ACER1: variants seen among roughly 807,000 people sequenced by gnomAD.
ACER1 encodes the protein alkaline ceramidase 1.
In ACER1, 28 loss-of-function variants were observed where a neutral mutation model predicts 24.9. The ratio of observed to expected loss-of-function variants is 1.13; its 90% CI spans 0.83 to 1.54. The LOEUF is 1.54. ACER1 is among the 40% of genes most tolerant of loss of function. ACER1 has a pLI of 0.00. For synonymous variants in ACER1, 132 were observed against 131.4 expected (o/e 1.00, Z -0.03); for missense variants, 352 against 349.3 (o/e 1.01, Z -0.06).
intron 1 of ACER1, among the ~76,000 whole-genome samples, chr19:6,326,162 G>A (rs917312449): frequency 7.6e-6 from 1 of 132,282 alleles, no homozygotes; most frequent in African/African-American, 2.9e-5. Context: ...GTCTCGCTCT[G>A]TAGCCCAGGC....
intron 1 of ACER1, among the ~76,000 whole-genome samples, chr19:6,323,752 G>GT (rs1157167332): frequency 1.3e-5 from 2 of 152,154 alleles, no homozygotes; most frequent in African/African-American, 4.8e-5. Context: ...GTAATTAATT[G>GT]TTTTTGCTGT....
intron 1 of ACER1, among the ~76,000 whole-genome samples, chr19:6,330,117 C>T (rs1031045470): frequency 6.0e-5 from 9 of 150,810 alleles, no homozygotes; most frequent in Admixed American, 4.6e-4. Flanking sequence ...GTGATCTGCC[C>T]GCCTCGGCCT....
the ACER1 span, among the ~76,000 whole-genome samples, chr19:6,338,673 A>T: frequency 6.6e-6 from 1 of 151,844 alleles, no homozygotes; most frequent in African/African-American, 2.4e-5. Flanking sequence ...CTGCAGCCTC[A>T]ACCTCCTGGG....
intron 1 of ACER1, among the ~76,000 whole-genome samples, chr19:6,314,588 C>T (rs1370429987): frequency 2.0e-5 from 3 of 151,988 alleles, no homozygotes; most frequent in Admixed American, 6.6e-5. Flanking sequence ...ATGTCTGAGC[C>T]GCGACAAGTC....
chr19:6,312,266 A>T lies in ACER1; in HGVS notation c.233T>A (p.Met78Lys). 4 of 1,614,140 alleles carry T rather than the reference A, an allele frequency of 2.5e-6. No homozygotes were observed. ...CAGCTGGCCCAGGAAGCTGAGCGTC[A>T]TGTGGAAATACATGGAGAACAGGCC... is the stretch of plus-strand genomic sequence containing the variant. ...IIGLFSMYFH[M>K]TLSFLGQLLD... The change falls in exon 3 of 6, where the codon ATG becomes AAG. Residue 78 changes from methionine (M) to lysine (K), a missense_variant. Coordinates refer to ENST00000301452, the MANE Select transcript of ACER1 (RefSeq NM_133492.3).
the ACER1 span, among the ~76,000 whole-genome samples, chr19:6,352,682 A>G: frequency 6.6e-6 from 1 of 152,332 alleles, no homozygotes; most frequent in South Asian, 2.1e-4. Flanking sequence ...ATCATTTCCT[A>G]AAAACAAATA....
chr19:6,355,022 G>A, the ACER1 span, among the ~76,000 whole-genome samples: 1 of 152,116 alleles, frequency 6.6e-6, no homozygotes, highest in Non-Finnish European at 1.5e-5. Context: ...ACGGGGTTTC[G>A]CTGTGTTGGC....
At chr19:6,312,528 C>T in intron 1 of ACER1, 29 bp from the exon 2 acceptor site, 1 of 1,582,686 alleles carries the variant, frequency 6.3e-7, no homozygotes, top group Non-Finnish European at 8.7e-7. Context: ...TAGGGAGGAG[C>T]TCGTCAGATA....
chr19:6,337,661 CTTTTTTTTTTTTTTTTTT>C (rs1192304687), upstream of ACER1, among the ~76,000 whole-genome samples: 57 of 25,936 alleles, frequency 2.2e-3, no homozygotes, highest in South Asian at 5.7e-3. Flanking sequence ...TTCTTTCTTT[CTTTTTTTTTTTTTTTTTT>C]TTTTTTTTTT....
the ACER1 span, among the ~76,000 whole-genome samples, chr19:6,341,789 C>T: frequency 0.057 from 8,597 of 152,016 alleles, 402 homozygotes; most frequent in African/African-American, 0.13. Context: ...CCACCATGCC[C>T]GGCTAATTTT....
In ACER1 at chr19:6,312,414, TA is replaced by T; in HGVS notation, c.178del (p.Tyr60ThrfsTer8). ...PYAQKRSRYIYVVWVLFMIIG... is the reference protein window; with the variant it reads ...PYAQKRSRYIXVVWVLFMIIG... The stretch of plus-strand genomic sequence containing the variant: ...GATCATGAAGAGGACCCAGACAACG[TA>T]AATGTAGCGGGAGCGCTTCTGGGCA... On this transcript the variant is annotated frameshift_variant, in exon 2 of 6. Transcript: ENST00000301452. LOFTEE classifies it high-confidence loss of function. 6.2e-7 allele frequency: 1 copy of T among 1,613,922 alleles called. No homozygotes were observed. The highest frequency in any genetic ancestry group is 8.5e-7 in the Non-Finnish European group (1 of 1,179,990).
At chr19:6,328,151 A>C (rs1394174898) in intron 1 of ACER1, among the ~76,000 whole-genome samples, 2 of 151,776 alleles carry the variant, frequency 1.3e-5, no homozygotes, top group African/African-American at 2.4e-5. Context: ...TTTCAGCTAC[A>C]GTGGCATAGT....
rs1238447991 is a variant in ACER1, at chr19:6,306,958, T to C, written c.627-76A>G. 11 of 1,541,982 alleles carry C rather than the reference T, an allele frequency of 7.1e-6. No individual in the cohort carries two copies. In the African/African-American group the frequency reaches 1.1e-4, roughly 15 times the overall value. ...ACGCCGGCCCTCTTTTTACTTCTCATGGCTCTTGACCATCCATCCAGGGGA... is the reference window on the plus strand; with the variant it reads ...ACGCCGGCCCTCTTTTTACTTCTCACGGCTCTTGACCATCCATCCAGGGGA... On this transcript the variant is annotated intron_variant, in intron 5 of 5. Coordinates refer to ENST00000301452, the MANE Select transcript of ACER1 (RefSeq NM_133492.3).
At chr19:6,320,121 GGAAA>G (rs1052068594) in intron 1 of ACER1, among the ~76,000 whole-genome samples, 1 of 140,042 alleles carries the variant, frequency 7.1e-6, no homozygotes, top group Non-Finnish European at 1.6e-5. Flanking sequence ...AAAAAAAAAA[GGAAA>G]GAAAGAAAAG....
At chr19:6,334,605 C>T (rs2091705413), upstream of ACER1, among the ~76,000 whole-genome samples, 3 of 152,238 alleles carry the variant, frequency 2.0e-5, no homozygotes, top group South Asian at 6.2e-4. Context: ...CCTTGGCCTC[C>T]CAAGGTGCCG....
At chr19:6,336,819 CAAAA>C (rs57500077), upstream of ACER1, among the ~76,000 whole-genome samples, 5 of 67,762 alleles carry the variant, frequency 7.4e-5, no homozygotes, top group Non-Finnish European at 9.7e-5. Flanking sequence ...GACCCCGACT[CAAAA>C]AAAAAAAAAA....
At chr19:6,320,456 G>A (rs1357687855) in intron 1 of ACER1, among the ~76,000 whole-genome samples, 1 of 152,080 alleles carries the variant, frequency 6.6e-6, no homozygotes, top group Admixed American at 6.6e-5. Flanking sequence ...GGGACTACAG[G>A]TGTGTGCCAC....
intron 1 of ACER1, among the ~76,000 whole-genome samples, chr19:6,324,710 T>C (rs1026060116): frequency 1.3e-4 from 19 of 151,262 alleles, no homozygotes; most frequent in Non-Finnish European, 2.4e-4. Flanking sequence ...GATTGCACTG[T>C]TGCACTTTAG....
intron 3 of ACER1, among the ~76,000 whole-genome samples, chr19:6,310,304 G>T (rs181901940): frequency 7.4e-5 from 11 of 148,238 alleles, no homozygotes; most frequent in Non-Finnish European, 1.5e-4. Context: ...AGCCAGGATG[G>T]TCTCAATCTC....
Sources: gnomAD v4.1 joint callset for allele counts (sites outside exome capture counted in the v4.1 genomes callset) on GRCh38, gnomAD v4.1.1 for gene constraint, MANE v1.5 for transcripts, NCBI Gene and HGNC (gene_info 2026-07-23, HGNC 2026-07-21) for gene names.